BCAS1: variants seen among roughly 807,000 people sequenced by gnomAD.
BCAS1 encodes the protein brain enriched myelin associated protein 1.
In BCAS1, 46 loss-of-function variants were observed where a neutral mutation model predicts 65.4. The observed-to-expected ratio is 0.70, with a 90% CI of 0.55 to 0.90. The LOEUF is 0.90. BCAS1 is among the 40% of genes least tolerant of loss of function. BCAS1 has a pLI of 0.00. For synonymous variants in BCAS1, 298 were observed against 293.5 expected (o/e 1.02, Z -0.16); for missense variants, 793 against 771.2 (o/e 1.03, Z -0.33).
chr20:53,964,479 G>A (rs1243761819), intron 10 of BCAS1, among the ~76,000 whole-genome samples: 1 of 152,176 alleles, frequency 6.6e-6, no homozygotes, highest in South Asian at 2.1e-4. Flanking sequence ...GATAATGTTC[G>A]TGTTCCCAGG....
At chr20:54,069,448 GT>G (rs892630827) in intron 1 of BCAS1, among the ~76,000 whole-genome samples, 1 of 152,148 alleles carries the variant, frequency 6.6e-6, no homozygotes, top group African/African-American at 2.4e-5. Context: ...CCATGACTGA[GT>G]TTTTTGGCAT....
At chr20:53,985,205 G>C (rs1357902043) in intron 8 of BCAS1, 82 bp downstream of exon 8, 1 of 1,342,660 alleles carries the variant, frequency 7.4e-7, no homozygotes, top group Non-Finnish European at 1.1e-6. Flanking sequence ...ACATTGTTGA[G>C]TACAACAGTT....
intron 3 of BCAS1, 190 bp from the exon 4 acceptor site, chr20:54,029,162 A>G: frequency 3.0e-6 from 3 of 985,416 alleles, no homozygotes; most frequent in Non-Finnish European, 3.6e-6. Flanking sequence ...GGAGAGGAGA[A>G]GGCAAGGTTG....
chr20:53,985,301 G>A lies in BCAS1; in HGVS notation c.1261C>T (p.Leu421=), dbSNP rs754716396. Residue 421 remains leucine, a synonymous_variant, in exon 8 of 13, where the codon CTG becomes TTG. Coordinates refer to ENST00000688948, the MANE Select transcript of BCAS1 (RefSeq NM_001366298.2). ...SGPTSLPLGK[L]FWKKSVKEDS... is the part of the protein sequence containing the mutation. ...ATCAGACTTACCTTTTTCCAAAACAGTTTGCCCAGAGGCAGAGAGGTGGGT... is the reference window on the plus strand; with the variant it reads ...ATCAGACTTACCTTTTTCCAAAACAATTTGCCCAGAGGCAGAGAGGTGGGT... 6.2e-7 allele frequency: 1 copy of A among 1,613,364 alleles called. No individual in the cohort carries two copies.
At chr20:53,970,199 C>T (rs1393207352) in intron 9 of BCAS1, among the ~76,000 whole-genome samples, 1 of 152,194 alleles carries the variant, frequency 6.6e-6, no homozygotes, top group Non-Finnish European at 1.5e-5. Context: ...GGTTCCCTTG[C>T]TGAGCCTTTC....
At chr20:54,001,943 C>T (rs2091065389) in intron 4 of BCAS1, among the ~76,000 whole-genome samples, 1 of 152,084 alleles carries the variant, frequency 6.6e-6, no homozygotes, top group African/African-American at 2.4e-5. Context: ...CCTGTGACTA[C>T]TCTACCCAGT....
At chr20:54,006,763 C>T (rs1397956808) in intron 4 of BCAS1, among the ~76,000 whole-genome samples, 1 of 151,542 alleles carries the variant, frequency 6.6e-6, no homozygotes, top group Non-Finnish European at 1.5e-5. Flanking sequence ...CACAGCAAGT[C>T]TGGGGACTTG....
chr20:53,987,106 C>T (rs1600790371), intron 7 of BCAS1, among the ~76,000 whole-genome samples: 1 of 152,264 alleles, frequency 6.6e-6, no homozygotes, highest in Non-Finnish European at 1.5e-5. Flanking sequence ...TATTGCTTCT[C>T]CAAAGGATGT....
rs1233747657 is a variant in BCAS1, at chr20:53,943,584, TAC to T, written c.*1336_*1337del. On this transcript the variant is annotated 3_prime_UTR_variant, in exon 13 of 13. Transcript: ENST00000688948. Reference sequence around the variant, plus strand: ...TTTTATTAAATCAGAAAAAGAAAGATACAGTTTACATGACTGTCAGTCAATCA... The same window carrying T: ...TTTTATTAAATCAGAAAAAGAAAGATAGTTTACATGACTGTCAGTCAATCA... 5 of 152,218 alleles carry T rather than the reference TAC, an allele frequency of 3.3e-5. No individual in the cohort carries two copies. Among genetic ancestry groups the T allele is most frequent in the African/African-American group, 1.2e-4 (5 of 41,456 alleles). The allele number at this position is 152,218 out of a possible 1,614,324, so 9.4% of individuals were successfully genotyped here.
At chr20:53,987,779 GACTTC>G (rs1166892101) in intron 7 of BCAS1, among the ~76,000 whole-genome samples, 1 of 152,182 alleles carries the variant, frequency 6.6e-6, no homozygotes, top group African/African-American at 2.4e-5. Flanking sequence ...AATCAGGGAA[GACTTC>G]ACTGAGAAAA....
chr20:54,068,496 A>G (rs1429148961), intron 1 of BCAS1: 1 of 153,830 alleles, frequency 6.5e-6, no homozygotes, highest in East Asian at 1.9e-4. Flanking sequence ...CCAGGTGCTC[A>G]CTGGCTTCAC....
intron 3 of BCAS1, among the ~76,000 whole-genome samples, chr20:54,053,979 T>C (rs6013877): frequency 0.058 from 8,884 of 152,252 alleles, 433 homozygotes; most frequent in African/African-American, 0.13. Context: ...TTAATGGACT[T>C]ACAGCTCCAC....
rs1475678843 is a variant in BCAS1 at position 54,028,868 on chromosome 20, C to T, written c.247G>A (p.Glu83Lys). The change falls in exon 4 of 13, where the codon GAG becomes AAG. Residue 83 changes from glutamate to lysine, a missense_variant. Coordinates refer to ENST00000688948, the MANE Select transcript of BCAS1 (RefSeq NM_001366298.2). The stretch of plus-strand genomic sequence containing the variant: ...GCAGCTGGTGCCTCGGGTTTGGCCT[C>T]TTTCCCAAGATTCTTTCCGTTGGCA... ...ADANGKNLGK[E>K]AKPEAPAAKS... is the part of the protein sequence containing the mutation. The T allele has an allele frequency of 1.9e-6, 3 of 1,613,900 alleles. No homozygotes were observed. The highest frequency in any genetic ancestry group is 3.3e-4 in the Middle Eastern group (2 of 6,084).
At chr20:53,995,501 T>C (rs2090882689) in intron 5 of BCAS1, among the ~76,000 whole-genome samples, 1 of 152,072 alleles carries the variant, frequency 6.6e-6, no homozygotes, top group South Asian at 2.1e-4. Context: ...TTTTTTTTTT[T>C]TGAATGATTT....
intron 3 of BCAS1, among the ~76,000 whole-genome samples, chr20:54,039,780 A>G (rs2091959400): frequency 1.3e-5 from 2 of 151,362 alleles, no homozygotes; most frequent in Middle Eastern, 3.5e-3. Flanking sequence ...TCCTGTCTCT[A>G]TCCTCCACCC....
At chr20:54,026,124 A>T (rs1294271858) in intron 4 of BCAS1, among the ~76,000 whole-genome samples, 2 of 152,244 alleles carry the variant, frequency 1.3e-5, no homozygotes, top group Admixed American at 6.5e-5. Context: ...TTCACTGGTG[A>T]ATCTGAGGGA....
Position 53,960,024 on chromosome 20 carries a change from G to A in BCAS1, c.1486-2527C>T, listed in dbSNP as rs6127034. On this transcript the variant is annotated intron_variant, in intron 10 of 12. Transcript: ENST00000688948. ...TCAGCCTCCAAATTCGGGCTGTGTCGTAAGAGCCCTTCCTACTCAAGCCCA... is the reference window on the plus strand; with the variant it reads ...TCAGCCTCCAAATTCGGGCTGTGTCATAAGAGCCCTTCCTACTCAAGCCCA... 0.014 allele frequency among the ~76,000 whole-genome samples: 2,081 copies of A among 152,294 alleles called. 134 individuals are homozygous for A. In the East Asian group the frequency reaches 0.2, roughly 15 times the overall value.
At chr20:53,986,858 C>T (rs868588812) in intron 7 of BCAS1, among the ~76,000 whole-genome samples, 1 of 152,072 alleles carries the variant, frequency 6.6e-6, no homozygotes, top group South Asian at 2.1e-4. Flanking sequence ...CCACTGTACT[C>T]CAGCCTAGGC....
In BCAS1 at chr20:53,991,930, A is replaced by G. The variant is rs544729266; in HGVS notation, c.1062+582T>C. 2.1e-3 allele frequency among the ~76,000 whole-genome samples: 313 copies of G among 152,300 alleles called. 3 individuals carry two copies. Among genetic ancestry groups the G allele is most frequent in the African/African-American group, 7.3e-3 (305 of 41,562 alleles). On this transcript the variant is annotated intron_variant, in intron 7 of 12. Transcript: ENST00000688948. ...CAACTCTCATTTAATCCTTCTACTA[A>G]CATTCTGGAGAAAGTCTCAGTCTGG...
Sources: gnomAD v4.1 joint callset for allele counts (sites outside exome capture counted in the v4.1 genomes callset) on GRCh38, gnomAD v4.1.1 for gene constraint, MANE v1.5 for transcripts, NCBI Gene and HGNC (gene_info 2026-07-23, HGNC 2026-07-21) for gene names.